The following MINPP1 variants were observed in gnomAD, a reference collection of about 807,000 sequenced individuals.
The protein encoded by MINPP1 is multiple inositol-polyphosphate phosphatase 1.
MINPP1 carries 28 observed loss-of-function variants against 46.1 expected under a neutral mutation model. The ratio of observed to expected loss-of-function variants is 0.61; its 90% CI spans 0.45 to 0.83. The LOEUF is 0.83. Ranked by LOEUF, MINPP1 falls within the 40% of genes least tolerant of loss-of-function variation. The pLI is 0.00. For synonymous variants in MINPP1, 268 were observed against 249.1 expected, an observed-to-expected ratio of 1.08 and a Z score of -0.72; for missense variants, 603 against 610.0, an observed-to-expected ratio of 0.99 and a Z score of 0.12.
Position 87,530,319 on chromosome 10 carries a change from C to T in MINPP1, c.1067+9150C>T, listed in dbSNP as rs897933259. On this transcript the variant is annotated intron_variant, in intron 4 of 4. Transcript: ENST00000371996. The stretch of plus-strand genomic sequence containing the variant: ...TTTTAGAATCTTCAGCTTTTCTGTT[C>T]TGGTTTCTCCCCATCTTTGTGGTTT... Among the ~76,000 whole-genome samples the T allele has an allele frequency of 2.6e-5, 4 of 152,232 alleles. No homozygotes were observed. In the East Asian group the frequency reaches 5.8e-4, roughly 22 times the overall value.
intron 4 of MINPP1, among the ~76,000 whole-genome samples, chr10:87,528,545 C>T (rs1851611261): frequency 6.6e-6 from 1 of 152,176 alleles, no homozygotes; most frequent in Non-Finnish European, 1.5e-5. Context: ...ATCCTGAGTT[C>T]TAGTTTGATT....
intron 3 of MINPP1, among the ~76,000 whole-genome samples, chr10:87,515,410 A>C (rs1474947997): frequency 6.6e-6 from 1 of 152,098 alleles, no homozygotes; most frequent in East Asian, 1.9e-4. Flanking sequence ...AAAAAGGAAA[A>C]AAAAGAACTT....
At chr10:87,508,052 T>C (rs1851278684) in intron 1 of MINPP1, 1 of 1,444,634 alleles carries the variant, frequency 6.9e-7, no homozygotes, top group Non-Finnish European at 9.0e-7. Flanking sequence ...ACAGAAACAG[T>C]ACTTATTAAT....
chr10:87,513,062 T>A (rs1450941777), intron 2 of MINPP1, 62 bp from the exon 3 acceptor site: 4 of 1,151,472 alleles, frequency 3.5e-6, no homozygotes, highest in Non-Finnish European at 5.3e-6. Flanking sequence ...CTACAGATAT[T>A]TAGCCTTTGA....
At chr10:87,526,281 C>T (rs896952643) in intron 4 of MINPP1, among the ~76,000 whole-genome samples, 1 of 152,178 alleles carries the variant, frequency 6.6e-6, no homozygotes, top group Admixed American at 6.5e-5. Context: ...TTTTGATTTG[C>T]ATTTCTCTGA....
chr10:87,525,614 G>GT (rs1414089834), intron 4 of MINPP1, among the ~76,000 whole-genome samples: 5 of 152,030 alleles, frequency 3.3e-5, no homozygotes, highest in African/African-American at 1.2e-4. Flanking sequence ...TGTTACATAT[G>GT]TATACATGTG....
intron 3 of MINPP1, among the ~76,000 whole-genome samples, chr10:87,518,878 C>T (rs1270245659): frequency 1.3e-5 from 2 of 152,190 alleles, no homozygotes; most frequent in African/African-American, 4.8e-5. Flanking sequence ...CCTGGGCATG[C>T]CACCCTCCAG....
rs758963404 is a variant in MINPP1 at position 87,504,942 on chromosome 10, C to G, written c.27C>G (p.Leu9=). The G allele has an allele frequency of 5.6e-6, 9 of 1,611,406 alleles. No individual in the cohort carries two copies. The highest frequency in any genetic ancestry group is 1.1e-5 in the South Asian group (1 of 90,890). Residue 9 remains leucine, a synonymous_variant, in exon 1 of 5, where the codon CTC becomes CTG. Coordinates refer to ENST00000371996, the MANE Select transcript of MINPP1 (RefSeq NM_004897.5). MLRAPGCL[L]RTSVAPAAAL... ...TGCTACGCGCGCCCGGCTGCCTCCT[C>G]CGGACCTCCGTAGCGCCTGCCGCGG...
At chr10:87,541,540 CACA>C (rs1375435179) in intron 4 of MINPP1, among the ~76,000 whole-genome samples, 4 of 152,210 alleles carry the variant, frequency 2.6e-5, no homozygotes, top group African/African-American at 9.6e-5. Context: ...TTCACACCAA[CACA>C]ACAATAGTCA....
At chr10:87,531,191 G>A (rs1448872172) in intron 4 of MINPP1, among the ~76,000 whole-genome samples, 1 of 152,130 alleles carries the variant, frequency 6.6e-6, no homozygotes, top group Non-Finnish European at 1.5e-5. Flanking sequence ...CTCATGCTCC[G>A]TGGGCTACAC....
At chr10:87,527,639 G>T (rs1384270261) in intron 4 of MINPP1, among the ~76,000 whole-genome samples, 1 of 151,474 alleles carries the variant, frequency 6.6e-6, no homozygotes. Flanking sequence ...GATCATGGTG[G>T]ATAAGCTCAT....
In MINPP1 at chr10:87,505,435, T is replaced by G. The variant is rs760117757; in HGVS notation, c.520T>G (p.Tyr174Asp). 1.2e-6 allele frequency: 2 copies of G among 1,613,234 alleles called. No individual in the cohort carries two copies. Among genetic ancestry groups the G allele is most frequent in the Non-Finnish European group, 1.7e-6 (2 of 1,179,722 alleles). ...LFPALFSREN[Y>D]GRLRLITSSK... ...CCCGGCCCTTTTCAGCCGTGAGAAC[T>G]ACGGCCGCCTGCGGCTCATCACCAG... is the stretch of plus-strand genomic sequence containing the variant. The change falls in exon 1 of 5, where the codon TAC (tyrosine) becomes GAC (aspartate). Residue 174 changes from tyrosine to aspartate, a missense_variant. Coordinates refer to ENST00000371996, the MANE Select transcript of MINPP1 (RefSeq NM_004897.5). This position sits in a 1 kb window ranked among gnomAD's most constrained non-coding sequence, Gnocchi z 4.4.
At position 87,521,164 on chromosome 10, in the gene MINPP1, A is replaced by G. The variant is rs765138495; in HGVS notation, c.1062A>G (p.Lys354=). 6.2e-7 allele frequency: 1 copy of G among 1,611,502 alleles called. No individual in the cohort carries two copies. Among genetic ancestry groups the G allele is most frequent in the Non-Finnish European group, 8.5e-7 (1 of 1,178,512 alleles). Residue 354 remains lysine (K), a synonymous_variant, in exon 4 of 5, where the codon AAA becomes AAG. Transcript: ENST00000371996. ...ACTTGGACAAAGCAGTTGAACAGAA[A>G]CAAAGGTAAGAACTTTCTAAAAAAT... The part of the protein sequence containing the change: ...FQHLDKAVEQ[K]QRSQPISSPV...
chr10:87,509,972 C>A (rs1851311917), intron 2 of MINPP1, among the ~76,000 whole-genome samples: 1 of 152,176 alleles, frequency 6.6e-6, no homozygotes, highest in Admixed American at 6.5e-5. Context: ...TAACTGACAG[C>A]AACTTCTTTT....
At chr10:87,514,841 C>T (rs1454593695) in intron 3 of MINPP1, among the ~76,000 whole-genome samples, 3 of 151,936 alleles carry the variant, frequency 2.0e-5, no homozygotes, top group Non-Finnish European at 4.4e-5. Context: ...TCAGCCTCTC[C>T]AGTAGCTGGG....
chr10:87,545,315 T>A (rs963728889), intron 4 of MINPP1, among the ~76,000 whole-genome samples: 23 of 152,088 alleles, frequency 1.5e-4, no homozygotes, highest in Admixed American at 5.9e-4. Flanking sequence ...ACTTTTTTTT[T>A]AAAAAAGACA....
chr10:87,533,921 C>T (rs1304184830), intron 4 of MINPP1, among the ~76,000 whole-genome samples: 2 of 151,984 alleles, frequency 1.3e-5, no homozygotes, highest in African/African-American at 2.4e-5. Context: ...TAGAAATGTA[C>T]GCCAATTCTA....
chr10:87,507,902 G>C, intron 1 of MINPP1: 1 of 1,177,548 alleles, frequency 8.5e-7, no homozygotes, highest in Non-Finnish European at 1.1e-6. Context: ...GAGTTGGGAA[G>C]GTTAATTGAG....
At chr10:87,541,075 T>TG (rs1353394824) in intron 4 of MINPP1, among the ~76,000 whole-genome samples, 4 of 152,240 alleles carry the variant, frequency 2.6e-5, no homozygotes, top group African/African-American at 9.6e-5. Flanking sequence ...TCTGTATACT[T>TG]GCAATAGAAA....
Sources: allele counts gnomAD v4.1 joint callset (sites outside exome capture counted in the v4.1 genomes callset), GRCh38; gene constraint gnomAD v4.1.1; non-coding constraint Gnocchi (gnomAD v3.1); transcripts MANE v1.5; gene names NCBI Gene and HGNC (gene_info 2026-07-23, HGNC 2026-07-21).